Variants in CDKN2C observed in about 807,000 individuals in gnomAD.
CDKN2C encodes the protein cyclin-dependent kinase 4 inhibitor C.
In CDKN2C, 5 loss-of-function variants were observed where a neutral mutation model predicts 11.0. The ratio of observed to expected loss-of-function variants is 0.45; its 90% CI spans 0.24 to 0.95. CDKN2C has a LOEUF of 0.95. CDKN2C is among the 40% of genes least tolerant of loss of function. CDKN2C has a pLI of 0.21. For synonymous variants in CDKN2C, 79 were observed against 88.3 expected (o/e 0.89, Z 0.59); for missense variants, 161 against 211.9 (o/e 0.76, Z 1.49).
chr1:50,972,044 G>C (rs1330474772), intron 1 of CDKN2C, among the ~76,000 whole-genome samples: 1 of 151,916 alleles, frequency 6.6e-6, no homozygotes, highest in Non-Finnish European at 1.5e-5. Context: ...TGTGAAAAAA[G>C]GTGAATTTTC....
chr1:50,963,690 T>C (rs1645335444), intron 1 of CDKN2C, among the ~76,000 whole-genome samples: 1 of 152,040 alleles, frequency 6.6e-6, no homozygotes, highest in Admixed American at 6.5e-5. Context: ...CTACTACAGA[T>C]AAGAGAAGGG....
chr1:50,974,228 G>C lies in CDKN2C; in HGVS notation c.465G>C (p.Leu155=). Residue 155 remains leucine (L), a synonymous_variant, in exon 2 of 2, where the codon CTG becomes CTC. Transcript: ENST00000371761. ...RLYGRNEVVS[L]MQANGAGGAT... is the part of the protein sequence containing the mutation. ...ATGGGAGGAATGAGGTTGTTAGCCT[G>C]ATGCAGGCAAACGGGGCTGGGGGAG... 6.3e-7 allele frequency: 1 copy of C among 1,592,308 alleles called. No homozygotes were observed. The highest frequency in any genetic ancestry group is 8.6e-7 in the Non-Finnish European group (1 of 1,166,266).
At chr1:50,962,702 A>ATTT (rs1419038189) in intron 1 of CDKN2C, among the ~76,000 whole-genome samples, 1 of 152,214 alleles carries the variant, frequency 6.6e-6, no homozygotes, top group African/African-American at 2.4e-5. Flanking sequence ...TATGTAGAAC[A>ATTT]ATGGGATGAA....
At chr1:50,970,063 A>C, upstream of CDKN2C, 1 of 472,624 alleles carries the variant, frequency 2.1e-6, no homozygotes, top group Non-Finnish European at 3.9e-6. Flanking sequence ...TTAACCAGGA[A>C]TGTATGTGTG....
At chr1:50,965,079 T>TAGATAGATA (rs1553155141) in intron 1 of CDKN2C, among the ~76,000 whole-genome samples, 4 of 151,458 alleles carry the variant, frequency 2.6e-5, no homozygotes, top group Non-Finnish European at 5.9e-5. Context: ...GATAGATAGA[T>TAGATAGATA]AGATAGATAG....
At chr1:50,971,516 T>A (rs557501539) in intron 1 of CDKN2C, among the ~76,000 whole-genome samples, 1 of 152,312 alleles carries the variant, frequency 6.6e-6, no homozygotes, top group South Asian at 2.1e-4. Context: ...CTTGCAAAAA[T>A]TTCAGTATTA....
intron 1 of CDKN2C, among the ~76,000 whole-genome samples, chr1:50,971,539 C>G (rs1343658289): frequency 6.6e-6 from 1 of 152,168 alleles, no homozygotes; most frequent in Non-Finnish European, 1.5e-5. Context: ...GAAGTTTATG[C>G]ACAGATACTA....
At chr1:50,970,939 G>A (rs1397334986) in intron 1 of CDKN2C, among the ~76,000 whole-genome samples, 4 of 151,908 alleles carry the variant, frequency 2.6e-5, no homozygotes, top group Admixed American at 2.0e-4. Context: ...TACTGATGAG[G>A]GTGTTTTTCC....
upstream of CDKN2C, chr1:50,970,132 G>T (rs1645371615): frequency 1.8e-6 from 1 of 566,126 alleles, no homozygotes; most frequent in Admixed American, 3.1e-5. Flanking sequence ...CTAAAAAAGC[G>T]AGGCGAGGAG....
chr1:50,970,834 CATT>C (rs1255404456), intron 1 of CDKN2C, among the ~76,000 whole-genome samples: 2 of 152,042 alleles, frequency 1.3e-5, no homozygotes, highest in African/African-American at 2.4e-5. Flanking sequence ...TCTGTAAACA[CATT>C]ATTATGATTA....
chr1:50,962,528 C>T lies in CDKN2C; in HGVS notation c.-1976+1725C>T, dbSNP rs1645331221. On this transcript the variant is annotated intron_variant, in intron 1 of 3. Coordinates refer to the CDKN2C transcript ENST00000262662. ...CATATAGGCCACCCTCAGTATAAGG[C>T]AGGTGAATAATTGTTTCTAGTTATA... Among the ~76,000 whole-genome samples, 6 of 152,272 alleles carry T rather than the reference C, an allele frequency of 3.9e-5. No individual in the cohort carries two copies. The South Asian group carries it at 1.2e-3, about 32-fold the overall frequency.
intron 1 of CDKN2C, 115 bp from the exon 2 acceptor site, chr1:50,973,778 G>A (rs1039122206): frequency 3.5e-5 from 46 of 1,317,428 alleles, no homozygotes; most frequent in East Asian, 1.4e-4. Flanking sequence ...TGGGTCTTCC[G>A]CAAGAACTCC....
chr1:50,969,422 A>T (rs1645367230), upstream of CDKN2C: 1 of 151,144 alleles, frequency 6.6e-6, no homozygotes, highest in Admixed American at 6.6e-5. The surrounding 1 kb of genome is among the most constrained non-coding windows in gnomAD (Gnocchi z 6.6). Flanking sequence ...TTTCCGCATC[A>T]CTCTCCTTCC....
intron 1 of CDKN2C, among the ~76,000 whole-genome samples, chr1:50,970,937 A>G (rs1184911274): frequency 1.3e-5 from 2 of 152,156 alleles, no homozygotes; most frequent in Non-Finnish European, 2.9e-5. Flanking sequence ...ACTACTGATG[A>G]GGGTGTTTTT....
In CDKN2C at chr1:50,974,408, A is replaced by T. The variant is rs146645647; in HGVS notation, c.*138A>T. Reference sequence around the variant, plus strand: ...ATTTTCTGAAACTGCATAAGTGAAAATCTTACAACAGGCTTATGAATATAT... The same window carrying T: ...ATTTTCTGAAACTGCATAAGTGAAATTCTTACAACAGGCTTATGAATATAT... On this transcript the variant is annotated 3_prime_UTR_variant, in exon 2 of 2. Coordinates refer to ENST00000371761, the MANE Select transcript of CDKN2C (RefSeq NM_078626.3). The T allele has an allele frequency of 7.7e-6, 6 of 780,730 alleles. No individual in the cohort carries two copies. The African/African-American group carries it at 1.0e-4, about 13-fold the overall frequency. 48.4% of individuals were successfully genotyped at this position (780,730 alleles called of 1,614,324 possible).
At chr1:50,964,947 G>A (rs1645340817) in intron 1 of CDKN2C, among the ~76,000 whole-genome samples, 3 of 151,936 alleles carry the variant, frequency 2.0e-5, no homozygotes, top group Non-Finnish European at 4.4e-5. Flanking sequence ...CCAGGTACTC[G>A]GGGGCTGAGG....
intron 1 of CDKN2C, among the ~76,000 whole-genome samples, chr1:50,964,227 TACC>T (rs756076009): frequency 2.0e-5 from 3 of 152,228 alleles, no homozygotes; most frequent in South Asian, 4.1e-4. Context: ...GGTCCAATAA[TACC>T]ACATTACATT....
At chr1:50,972,570 G>A (rs192389317) in intron 1 of CDKN2C, among the ~76,000 whole-genome samples, 2 of 151,942 alleles carry the variant, frequency 1.3e-5, no homozygotes, top group Admixed American at 6.5e-5. Context: ...AGATTATTAT[G>A]GATATACCTA....
In CDKN2C at chr1:50,962,538, A is replaced by G. The variant is rs12067486; in HGVS notation, c.-1976+1735A>G. ...ACCCTCAGTATAAGGCAGGTGAATAATTGTTTCTAGTTATATGGCCAAGGA... is the reference window on the plus strand; with the variant it reads ...ACCCTCAGTATAAGGCAGGTGAATAGTTGTTTCTAGTTATATGGCCAAGGA... On this transcript the variant is annotated intron_variant, in intron 1 of 3. Transcript: ENST00000262662. Among the ~76,000 whole-genome samples the G allele has an allele frequency of 5.3e-3, 807 of 152,314 alleles. 9 individuals are homozygous for G. Among genetic ancestry groups the G allele is most frequent in the African/African-American group, 0.019 (772 of 41,566 alleles).
Sources: allele counts gnomAD v4.1 joint callset (sites outside exome capture counted in the v4.1 genomes callset), GRCh38; gene constraint gnomAD v4.1.1; non-coding constraint Gnocchi (gnomAD v3.1); transcripts MANE v1.5; gene names NCBI Gene and HGNC (gene_info 2026-07-23, HGNC 2026-07-21).